GYS2: variants seen among roughly 807,000 people sequenced by gnomAD.
GYS2 encodes glycogen [starch] synthase, liver.
In GYS2, 80 loss-of-function variants were observed where a neutral mutation model predicts 85.6. That is an observed-to-expected ratio of 0.93 (90% confidence interval 0.78 to 1.13). The LOEUF (loss-of-function observed/expected upper bound fraction) is 1.13. Ranked by LOEUF, GYS2 falls within the 50% of genes most tolerant of loss-of-function variation. The pLI is 0.00. For synonymous variants in GYS2, 328 were observed against 300.7 expected, an observed-to-expected ratio of 1.09 and a Z score of -0.94; for missense variants, 881 against 854.9, an observed-to-expected ratio of 1.03 and a Z score of -0.38.
intron 1 of GYS2, among the ~76,000 whole-genome samples, chr12:21,603,636 C>T (rs1196073877): frequency 6.6e-6 from 1 of 152,080 alleles, no homozygotes; most frequent in Non-Finnish European, 1.5e-5. Context: ...CTGCCATTTA[C>T]CCAGCAATCA....
chr12:21,563,393 G>A (rs1167250317), intron 5 of GYS2, 48 bp from the exon 6 acceptor site: 3 of 951,338 alleles, frequency 3.2e-6, no homozygotes, highest in Non-Finnish European at 5.2e-6. Context: ...TTTCAAAGAG[G>A]GTACCATTGT....
chr12:21,603,611 T>G (rs1190130480), intron 1 of GYS2, among the ~76,000 whole-genome samples: 2 of 152,106 alleles, frequency 1.3e-5, no homozygotes, highest in Non-Finnish European at 2.9e-5. Flanking sequence ...ATCGTTTAAA[T>G]CACACAAGTC....
At chr12:21,560,528 A>C in intron 7 of GYS2, 36 bp from the exon 8 acceptor site, 1 of 970,346 alleles carries the variant, frequency 1.0e-6, no homozygotes, top group Non-Finnish European at 1.7e-6. Context: ...GTCAACTATC[A>C]AAGATTTTTA....
intron 11 of GYS2, among the ~76,000 whole-genome samples, chr12:21,552,449 C>G (rs1871144): frequency 0.75 from 113,618 of 152,068 alleles, 42,716 homozygotes; most frequent in South Asian, 0.81. Context: ...CCATTCTACA[C>G]AGTTCTTTAA....
chr12:21,537,941 T>A (rs532866038), intron 15 of GYS2, among the ~76,000 whole-genome samples: 3 of 152,216 alleles, frequency 2.0e-5, no homozygotes, highest in Non-Finnish European at 2.9e-5. Flanking sequence ...TTTCAATTAC[T>A]TTATACATTA....
intron 14 of GYS2, 79 bp from the exon 15 acceptor site, chr12:21,539,417 T>G: frequency 1.3e-6 from 1 of 791,118 alleles, no homozygotes; most frequent in Non-Finnish European, 2.3e-6. Flanking sequence ...TAAGGCCTTA[T>G]TCTCCTAGTT....
At chr12:21,593,527 T>C (rs1944662869) in intron 1 of GYS2, among the ~76,000 whole-genome samples, 1 of 151,916 alleles carries the variant, frequency 6.6e-6, no homozygotes, top group Admixed American at 6.6e-5. Flanking sequence ...AGGAAATTAA[T>C]AAATTTCTGG....
At chr12:21,573,579 G>C (rs1357394897) in intron 4 of GYS2, among the ~76,000 whole-genome samples, 1 of 152,094 alleles carries the variant, frequency 6.6e-6, no homozygotes, top group African/African-American at 2.4e-5. Context: ...GTTCACCAAG[G>C]ACCCATATCC....
chr12:21,551,585 C>T (rs927059481), intron 11 of GYS2, among the ~76,000 whole-genome samples: 5 of 151,502 alleles, frequency 3.3e-5, no homozygotes, highest in Non-Finnish European at 7.4e-5. Flanking sequence ...AAGGACATTA[C>T]AAACATTAAT....
chr12:21,574,490 T>A (rs572226985), intron 3 of GYS2, among the ~76,000 whole-genome samples, 164 bp from the exon 4 acceptor site: 1 of 152,316 alleles, frequency 6.6e-6, no homozygotes, highest in South Asian at 2.1e-4. Context: ...CAGGATTCAG[T>A]GGCATGTTCA....
chr12:21,575,646 A>T (rs577460244), intron 3 of GYS2, among the ~76,000 whole-genome samples: 31 of 152,150 alleles, frequency 2.0e-4, no homozygotes, highest in South Asian at 4.1e-4. Context: ...CATGCCATTT[A>T]AATTTGACAT....
At chr12:21,538,699 C>T (rs1172295353) in intron 15 of GYS2, among the ~76,000 whole-genome samples, 4 of 152,258 alleles carry the variant, frequency 2.6e-5, no homozygotes, top group Non-Finnish European at 2.9e-5. Flanking sequence ...AAATGCCTGA[C>T]GCTCCCCTGC....
intron 5 of GYS2, among the ~76,000 whole-genome samples, chr12:21,564,159 A>G (rs144353864): frequency 2.6e-5 from 4 of 152,320 alleles, no homozygotes; most frequent in African/African-American, 9.6e-5. Flanking sequence ...AAGCAAAAAC[A>G]AGAAAAAAGA....
At chr12:21,546,780 A>G (rs977620807) in intron 11 of GYS2, among the ~76,000 whole-genome samples, 10 of 152,166 alleles carry the variant, frequency 6.6e-5, no homozygotes, top group South Asian at 6.2e-4. Context: ...TCCAGCTTTG[A>G]CATGCAATAA....
At chr12:21,556,226 T>C (rs555989964) in intron 11 of GYS2, among the ~76,000 whole-genome samples, 121 of 152,324 alleles carry the variant, frequency 7.9e-4, no homozygotes, top group Non-Finnish European at 1.3e-3. Context: ...TCACCCATGC[T>C]GGAGGGCAGT....
intron 11 of GYS2, among the ~76,000 whole-genome samples, chr12:21,549,391 C>A (rs1230048257): frequency 6.6e-6 from 1 of 152,152 alleles, no homozygotes; most frequent in African/African-American, 2.4e-5. Flanking sequence ...GTGGGAAATA[C>A]ACAAACAAGA....
intron 5 of GYS2, among the ~76,000 whole-genome samples, chr12:21,565,297 A>G (rs1026985268): frequency 5.3e-5 from 8 of 150,490 alleles, no homozygotes; most frequent in Non-Finnish European, 1.0e-4. Context: ...CAAGGTGTAA[A>G]TATTCCCATC....
At chr12:21,574,399 A>ACTCCACTTATGAT in intron 3 of GYS2, 73 bp from the exon 4 acceptor site, 4 of 1,127,934 alleles carry the variant, frequency 3.5e-6, no homozygotes, top group Non-Finnish European at 5.4e-6. Flanking sequence ...CCACATCATA[A>ACTCCACTTATGAT]GTGGAGTTAT....
chr12:21,602,507 T>C (rs576078212), intron 1 of GYS2, among the ~76,000 whole-genome samples: 103 of 152,118 alleles, frequency 6.8e-4, no homozygotes, highest in Non-Finnish European at 9.4e-4. Context: ...TAATTATCCA[T>C]CTATATGAAA....
Sources: gnomAD v4.1 joint callset for allele counts (sites outside exome capture counted in the v4.1 genomes callset) on GRCh38, gnomAD v4.1.1 for gene constraint, MANE v1.5 for transcripts, NCBI Gene and HGNC (gene_info 2026-07-23, HGNC 2026-07-21) for gene names.